ARHGEF28: variants seen among roughly 807,000 people sequenced by gnomAD.
ARHGEF28 encodes Rho guanine nucleotide exchange factor 28.
In ARHGEF28, 152 loss-of-function variants were observed where a neutral mutation model predicts 206.6. The ratio of observed to expected loss-of-function variants is 0.74; its 90% CI spans 0.64 to 0.84. The LOEUF (loss-of-function observed/expected upper bound fraction) is 0.84, where lower values mean the gene tolerates loss of function less well. ARHGEF28 is among the 40% of genes least tolerant of loss of function. ARHGEF28 has a pLI of 0.00. For synonymous variants in ARHGEF28, 763 were observed against 776.4 expected (o/e 0.98, Z 0.29); for missense variants, 2,028 against 2,073.2 (o/e 0.98, Z 0.42).
At chr5:73,690,952 A>G (rs1747788506) in intron 2 of ARHGEF28, among the ~76,000 whole-genome samples, 1 of 151,688 alleles carries the variant, frequency 6.6e-6, no homozygotes, top group South Asian at 2.1e-4. Context: ...TTTTTTTGAG[A>G]CAAATTCTCG....
intron 2 of ARHGEF28, among the ~76,000 whole-genome samples, chr5:73,720,287 G>A (rs1580524833): frequency 1.3e-5 from 2 of 152,256 alleles, no homozygotes; most frequent in African/African-American, 2.4e-5. Context: ...CCTGGAGGAA[G>A]TATGGTCTTT....
intron 1 of ARHGEF28, among the ~76,000 whole-genome samples, chr5:73,668,053 AT>A (rs1297925451): frequency 6.6e-6 from 1 of 152,176 alleles, no homozygotes; most frequent in Non-Finnish European, 1.5e-5. Flanking sequence ...CCCTGAGAAG[AT>A]TTATGCTCTC....
chr5:73,939,048 T>C (rs759847336), intron 35 of ARHGEF28, among the ~76,000 whole-genome samples: 2 of 151,748 alleles, frequency 1.3e-5, no homozygotes, highest in Non-Finnish European at 2.9e-5. Context: ...TCAGAAAAGA[T>C]GGCCAAGCCA....
chr5:73,651,727 C>T (rs1744846818), intron 1 of ARHGEF28, among the ~76,000 whole-genome samples: 1 of 152,056 alleles, frequency 6.6e-6, no homozygotes, highest in South Asian at 2.1e-4. Context: ...ACTATATATA[C>T]AATTATCTGT....
Position 73,885,914 on chromosome 5 carries a change from A to C in ARHGEF28, c.3120A>C (p.Thr1040=), listed in dbSNP as rs545478821. 8 of 1,613,736 alleles carry C rather than the reference A, an allele frequency of 5.0e-6. No homozygotes were observed. In the East Asian group the frequency reaches 1.8e-4, roughly 36 times the overall value. ...ALCLIKDMIA[T]VDLKVNEYEK... ...GCTTAATTAAAGACATGATTGCAAC[A>C]GTGGATTTAAAAGTCAATGAATATG... The change falls in exon 25 of 36, where the codon ACA becomes ACC. Residue 1040 remains threonine (T), a synonymous_variant. Coordinates refer to ENST00000513042, the MANE Select transcript of ARHGEF28 (RefSeq NM_001177693.2).
At chr5:73,866,646 G>A (rs1024510985) in intron 18 of ARHGEF28, among the ~76,000 whole-genome samples, 2 of 152,054 alleles carry the variant, frequency 1.3e-5, no homozygotes, top group Admixed American at 1.3e-4. Flanking sequence ...AAATTTGGTG[G>A]CTCTGTTTTT....
At chr5:73,631,928 C>A (rs1403041683) in intron 1 of ARHGEF28, among the ~76,000 whole-genome samples, 1 of 152,160 alleles carries the variant, frequency 6.6e-6, no homozygotes, top group Non-Finnish European at 1.5e-5. Flanking sequence ...TGAACTCCTA[C>A]CACCCTCTCA....
intron 3 of ARHGEF28, 46 bp downstream of exon 3, chr5:73,750,030 T>C: frequency 6.2e-7 from 1 of 1,604,282 alleles, no homozygotes; most frequent in Non-Finnish European, 8.5e-7. Flanking sequence ...AGTCTGCAAA[T>C]AACTTCCCTC....
At chr5:73,728,787 T>C (rs915107018) in intron 2 of ARHGEF28, among the ~76,000 whole-genome samples, 2 of 152,184 alleles carry the variant, frequency 1.3e-5, no homozygotes, top group African/African-American at 4.8e-5. Context: ...GGCTGCTCTT[T>C]CCAACATATA....
Position 73,857,697 on chromosome 5 carries a change from A to G in ARHGEF28, c.1832A>G (p.Lys611Arg), listed in dbSNP as rs1434575369. 2 of 1,605,114 alleles carry G rather than the reference A, an allele frequency of 1.2e-6. No homozygotes were observed. The highest frequency in any genetic ancestry group is 3.4e-5 in the Admixed American group (2 of 59,064). ...EEWDKYIIPA[K>R]SESEKYKVSR... The stretch of plus-strand genomic sequence containing the variant: ...TGGGATAAATACATCATACCTGCCA[A>G]ATCAGAGTCTGAAAAATATAAAGTG... The change falls in exon 15 of 36, where the codon AAA becomes AGA. Residue 611 changes from lysine (K) to arginine (R), a missense_variant. Around this residue, in one of 3 missense-constraint regions of ARHGEF28, gnomAD observed 1,002 missense variants for 1,015.3 expected, o/e 0.99. Coordinates refer to ENST00000513042, the MANE Select transcript of ARHGEF28 (RefSeq NM_001177693.2).
Position 73,683,118 on chromosome 5 carries a change from G to GT in ARHGEF28, c.-11-1715dup, listed in dbSNP as rs201154521. On this transcript the variant is annotated intron_variant, in intron 1 of 35. Transcript: ENST00000513042. The stretch of plus-strand genomic sequence containing the variant: ...GTTGGTGTTCAGTGAGTGATGCTGG[G>GT]TTTTTTTTGTTTTTTTTCTAAGTAG... 3.1e-3 allele frequency among the ~76,000 whole-genome samples: 472 copies of GT among 151,624 alleles called. 2 individuals carry two copies. The highest frequency in any genetic ancestry group is 0.01 in the African/African-American group (414 of 41,318).
At position 73,873,114 on chromosome 5, in the gene ARHGEF28, C is replaced by A; in HGVS notation, c.2682C>A (p.Phe894Leu). 6.2e-7 allele frequency: 1 copy of A among 1,613,050 alleles called. No individual in the cohort carries two copies. Among genetic ancestry groups the A allele is most frequent in the Non-Finnish European group, 8.5e-7 (1 of 1,179,518 alleles). ...ACCACAGCACCGTGGATAAAATTTT[C>A]CCCTGTTTAGATGAGTTGCTTGAAA... ...QLDHSTVDKI[F>L]PCLDELLEIH... Residue 894 changes from phenylalanine to leucine, a missense_variant, in exon 22 of 36, where the codon TTC (phenylalanine) becomes TTA (leucine). Phe to Leu is a conservative substitution (Grantham distance 22). Transcript: ENST00000513042.
At chr5:73,923,069 G>A (rs1763605772) in intron 35 of ARHGEF28, 1 of 1,533,728 alleles carries the variant, frequency 6.5e-7, no homozygotes. Flanking sequence ...TGGTAATGCG[G>A]CCATATTTTG....
chr5:73,679,225 A>AT (rs1746910847), intron 1 of ARHGEF28, among the ~76,000 whole-genome samples: 2 of 152,298 alleles, frequency 1.3e-5, no homozygotes, highest in South Asian at 4.1e-4. Context: ...ACTTTAAATG[A>AT]TTTTTTTGCA....
intron 1 of ARHGEF28, among the ~76,000 whole-genome samples, chr5:73,630,280 A>G (rs1223827506): frequency 6.6e-6 from 1 of 152,206 alleles, no homozygotes; most frequent in Non-Finnish European, 1.5e-5. Flanking sequence ...ATCATTTTAT[A>G]ATTCAAGAAA....
At chr5:73,703,992 T>C (rs768726755) in intron 2 of ARHGEF28, among the ~76,000 whole-genome samples, 11 of 150,168 alleles carry the variant, frequency 7.3e-5, no homozygotes, top group Non-Finnish European at 1.2e-4. Flanking sequence ...CCACTGCACT[T>C]CAGCCTAGAT....
At chr5:73,696,910 A>G (rs1748249933) in intron 2 of ARHGEF28, among the ~76,000 whole-genome samples, 1 of 152,126 alleles carries the variant, frequency 6.6e-6, no homozygotes, top group Non-Finnish European at 1.5e-5. Context: ...GACCATCACT[A>G]TTTTGGGACT....
chr5:73,924,536 A>C (rs1763695221), intron 35 of ARHGEF28, among the ~76,000 whole-genome samples: 1 of 152,198 alleles, frequency 6.6e-6, no homozygotes, highest in South Asian at 2.1e-4. Context: ...GTGGTGAGAA[A>C]GGAGTACATG....
At chr5:73,889,114 G>A (rs897385629) in intron 26 of ARHGEF28, among the ~76,000 whole-genome samples, 1 of 152,126 alleles carries the variant, frequency 6.6e-6, no homozygotes, top group Non-Finnish European at 1.5e-5. Context: ...TAACACTGTA[G>A]GAAATTGAAG....
Sources: gnomAD v4.1 joint callset for allele counts (sites outside exome capture counted in the v4.1 genomes callset) on GRCh38, gnomAD v4.1.1 for gene constraint, gnomAD v4.1.1 regional missense constraint, MANE v1.5 for transcripts, NCBI Gene and HGNC (gene_info 2026-07-23, HGNC 2026-07-21) for gene names.